The following DLGAP1 variants were observed in gnomAD, a reference collection of about 807,000 sequenced individuals.
DLGAP1 encodes DLG associated protein 1.
In DLGAP1, 11 loss-of-function variants were observed where a neutral mutation model predicts 90.8. The ratio of observed to expected loss-of-function variants is 0.12; its 90% confidence interval spans 0.08 to 0.20. DLGAP1 has a LOEUF of 0.20. DLGAP1 is among the 10% of genes least tolerant of loss of function. The pLI is 1.00. For synonymous variants in DLGAP1, 558 were observed against 540.7 expected (o/e 1.03, Z -0.44); for missense variants, 1,050 against 1,333.8 (o/e 0.79, Z 3.31).
intron 7 of DLGAP1, among the ~76,000 whole-genome samples, chr18:3,664,222 A>C (rs561198073): frequency 2.3e-3 from 341 of 149,994 alleles, no homozygotes; most frequent in African/African-American, 7.4e-3. Context: ...ACACACCCAC[A>C]CACACACACA....
At chr18:3,901,498 C>A (rs951124139) in intron 3 of DLGAP1, among the ~76,000 whole-genome samples, 1 of 152,086 alleles carries the variant, frequency 6.6e-6, no homozygotes, top group Non-Finnish European at 1.5e-5. Flanking sequence ...CATGAAGGAA[C>A]CCTGGAGCTG....
intron 3 of DLGAP1, among the ~76,000 whole-genome samples, chr18:3,917,241 A>G (rs1300194349): frequency 6.6e-6 from 1 of 152,262 alleles, no homozygotes; most frequent in Non-Finnish European, 1.5e-5. Context: ...TAAACCCGTC[A>G]TAAGTTGAGA....
intron 1 of DLGAP1, among the ~76,000 whole-genome samples, chr18:4,385,004 C>G (rs1201746358): frequency 6.6e-6 from 1 of 152,108 alleles, no homozygotes; most frequent in Non-Finnish European, 1.5e-5. Context: ...TAATGCCTCC[C>G]TAATGCCTGC....
intron 2 of DLGAP1, among the ~76,000 whole-genome samples, chr18:4,077,931 C>T (rs899118610): frequency 1.3e-5 from 2 of 152,140 alleles, no homozygotes; most frequent in African/African-American, 4.8e-5. Flanking sequence ...TGCCAGTTTG[C>T]TTCATAGGAA....
At chr18:4,130,749 C>T (rs2076301362) in intron 2 of DLGAP1, among the ~76,000 whole-genome samples, 2 of 151,990 alleles carry the variant, frequency 1.3e-5, no homozygotes, top group Admixed American at 6.6e-5. Flanking sequence ...AGAGAAAGAG[C>T]CGAGGGAGCC....
At chr18:4,287,172 C>T (rs867053525) in intron 1 of DLGAP1, among the ~76,000 whole-genome samples, 1 of 152,106 alleles carries the variant, frequency 6.6e-6, no homozygotes, top group Non-Finnish European at 1.5e-5. Context: ...AACATATAAA[C>T]GTAAGTCTGA....
chr18:4,205,381 G>T (rs1009605522), intron 1 of DLGAP1, among the ~76,000 whole-genome samples: 1 of 152,200 alleles, frequency 6.6e-6, no homozygotes, highest in Non-Finnish European at 1.5e-5. Context: ...AGAAGCTATG[G>T]TTGGTCTGTG....
intron 1 of DLGAP1, among the ~76,000 whole-genome samples, chr18:4,211,536 A>G (rs2077841562): frequency 6.6e-6 from 1 of 152,184 alleles, no homozygotes; most frequent in Admixed American, 6.5e-5. Context: ...ATTAGAGCCC[A>G]GTGAGACCTC....
At chr18:4,336,882 C>T (rs1213981421) in intron 1 of DLGAP1, among the ~76,000 whole-genome samples, 5 of 148,860 alleles carry the variant, frequency 3.4e-5, no homozygotes, top group Admixed American at 2.7e-4. Flanking sequence ...AGGCGGATCA[C>T]GAGGTCAGGA....
At chr18:3,890,745 T>C (rs190840666) in intron 3 of DLGAP1, among the ~76,000 whole-genome samples, 3 of 152,362 alleles carry the variant, frequency 2.0e-5, no homozygotes, top group African/African-American at 7.2e-5. Flanking sequence ...TTTATTTTTT[T>C]AGGGACAGGG....
At position 4,011,625 on chromosome 18, in the gene DLGAP1, T is replaced by C. The variant is rs188991964; in HGVS notation, c.-158-6424A>G. On this transcript the variant is annotated intron_variant, in intron 2 of 12. Transcript: ENST00000315677. ...TGAGCTCAGTAGTTCAAGACCAGCC[T>C]GGGCAACATAGTGAAACCTTGTCTC... 2.0e-5 allele frequency among the ~76,000 whole-genome samples: 3 copies of C among 152,148 alleles called. No individual in the cohort carries two copies. The East Asian group carries it at 5.8e-4, about 29-fold the overall frequency.
chr18:3,925,142 G>A (rs962724997), intron 3 of DLGAP1, among the ~76,000 whole-genome samples: 2 of 152,002 alleles, frequency 1.3e-5, no homozygotes, highest in Admixed American at 1.3e-4. Context: ...TAGTAGAGAT[G>A]GGGTTTCACC....
chr18:4,094,106 C>T (rs1210017046), intron 2 of DLGAP1, among the ~76,000 whole-genome samples: 1 of 152,006 alleles, frequency 6.6e-6, no homozygotes, highest in African/African-American at 2.4e-5. Context: ...AACCCAGCCT[C>T]CAATTATGTC....
intron 5 of DLGAP1, among the ~76,000 whole-genome samples, chr18:3,785,126 T>C (rs28548262): frequency 0.028 from 4,253 of 152,328 alleles, 207 homozygotes; most frequent in African/African-American, 0.096. Context: ...CTGATGGAAG[T>C]AGTTTTGAAG....
intron 7 of DLGAP1, among the ~76,000 whole-genome samples, chr18:3,671,820 A>G (rs987146950): frequency 6.6e-6 from 1 of 152,170 alleles, no homozygotes; most frequent in African/African-American, 2.4e-5. Context: ...CCCTGCCCTC[A>G]TGTAGTTTAT....
At chr18:4,294,391 T>C (rs1278941344) in intron 1 of DLGAP1, 1 of 152,258 alleles carries the variant, frequency 6.6e-6, no homozygotes, top group African/African-American at 2.4e-5. Flanking sequence ...ACATGTCCTC[T>C]GCCATCATTC....
At chr18:4,073,675 T>C (rs1268930905) in intron 2 of DLGAP1, among the ~76,000 whole-genome samples, 3 of 152,222 alleles carry the variant, frequency 2.0e-5, no homozygotes, top group African/African-American at 7.2e-5. Context: ...AGAAACTTGA[T>C]TAATTTCCAA....
chr18:4,171,444 A>G (rs1444480475), intron 1 of DLGAP1, among the ~76,000 whole-genome samples: 1 of 152,074 alleles, frequency 6.6e-6, no homozygotes, highest in African/African-American at 2.4e-5. Context: ...AGGCGCCTGT[A>G]GTCCCAGCTA....
intron 7 of DLGAP1, among the ~76,000 whole-genome samples, chr18:3,659,559 T>C (rs2059615588): frequency 6.7e-6 from 1 of 148,596 alleles, no homozygotes. Flanking sequence ...CAGCTCAATA[T>C]CTTTTTTTTT....
Sources: allele counts gnomAD v4.1 joint callset (sites outside exome capture counted in the v4.1 genomes callset), GRCh38; gene constraint gnomAD v4.1.1; transcripts MANE v1.5; gene names NCBI Gene and HGNC (gene_info 2026-07-23, HGNC 2026-07-21).